LAMTOR3: variants seen among roughly 807,000 people sequenced by gnomAD.
LAMTOR3 encodes the protein ragulator complex protein LAMTOR3.
Under a neutral mutation model 20.3 loss-of-function variants are expected in LAMTOR3, and 14 were observed. The ratio of observed to expected loss-of-function variants is 0.69; its 90% CI spans 0.46 to 1.08. The LOEUF is 1.08. LAMTOR3 is among the 50% of genes least tolerant of loss of function. The pLI, the probability that LAMTOR3 is intolerant of heterozygous loss-of-function variation, is 0.00. For synonymous variants in LAMTOR3, 40 were observed against 49.4 expected (o/e 0.81, Z 0.80); for missense variants, 125 against 143.7 (o/e 0.87, Z 0.67).
rs1217282355 is a variant in LAMTOR3, at chr4:99,878,661, T to C, written c.*3333A>G. The C allele has an allele frequency of 6.6e-6, 1 of 152,240 alleles. No individual in the cohort carries two copies. The highest frequency in any genetic ancestry group is 1.5e-5 in the Non-Finnish European group (1 of 68,036). 9.4% of individuals were successfully genotyped at this position (152,240 alleles called of 1,614,324 possible). A position where few individuals can be genotyped will look rare whatever the true frequency, so the allele number is the denominator to read the frequency against. On this transcript the variant is annotated 3_prime_UTR_variant, in exon 7 of 7. Transcript: ENST00000499666. ...GCCATACAGTTTGACACCATGCTTT[T>C]CTCAATAAACATTATTATGCCTTAG...
At chr4:99,893,062 C>T (rs1340051015) in intron 2 of LAMTOR3, among the ~76,000 whole-genome samples, 1 of 152,162 alleles carries the variant, frequency 6.6e-6, no homozygotes, top group Non-Finnish European at 1.5e-5. Context: ...AAGTAGAAGA[C>T]TATTTTATTT....
chr4:99,892,170 GA>G (rs1725033766), intron 2 of LAMTOR3, 136 bp from the exon 3 acceptor site: 2 of 1,373,832 alleles, frequency 1.5e-6, no homozygotes, highest in Non-Finnish European at 1.9e-6. Context: ...TTCTCTGTCT[GA>G]TTTGGATGTT....
rs146153164 is a variant in LAMTOR3, at chr4:99,891,528, T to C, written c.44+472A>G. 5.3e-5 allele frequency among the ~76,000 whole-genome samples: 8 copies of C among 152,338 alleles called. No individual in the cohort carries two copies. The East Asian group carries it at 1.5e-3, about 29-fold the overall frequency. On this transcript the variant is annotated intron_variant, in intron 3 of 6. Coordinates refer to ENST00000499666, the MANE Select transcript of LAMTOR3 (RefSeq NM_021970.4). Reference sequence around the variant, plus strand: ...TCAAAGTATGTTGATGGTTGGTCACTGTGCATCTGTTATGCAGCTCATGCA... The same window carrying C: ...TCAAAGTATGTTGATGGTTGGTCACCGTGCATCTGTTATGCAGCTCATGCA...
chr4:99,893,816 G>A lies in LAMTOR3; in HGVS notation c.9+139C>T, dbSNP rs569340567. On this transcript the variant is annotated intron_variant, in intron 2 of 6. Coordinates refer to ENST00000499666, the MANE Select transcript of LAMTOR3 (RefSeq NM_021970.4). ...TATTAGTCTCCCACTTCAGATATCA[G>A]AGAAAATAATTAACTGGGATGGGTG... 1.6e-5 allele frequency: 9 copies of A among 572,224 alleles called. No homozygotes were observed. The East Asian group carries it at 2.5e-4, about 16-fold the overall frequency. 35.4% of individuals were successfully genotyped at this position (572,224 alleles called of 1,614,324 possible). A position where few individuals can be genotyped will look rare whatever the true frequency, so the allele number is the denominator to read the frequency against.
At chr4:99,885,347 A>T (rs751066245) in intron 5 of LAMTOR3, among the ~76,000 whole-genome samples, 195 bp downstream of exon 5, 2 of 152,198 alleles carry the variant, frequency 1.3e-5, no homozygotes, top group Non-Finnish European at 2.9e-5. Flanking sequence ...TTACTTTTCC[A>T]TAGTAATTAT....
At chr4:99,885,263 G>C (rs1724901598) in intron 5 of LAMTOR3, among the ~76,000 whole-genome samples, 1 of 152,052 alleles carries the variant, frequency 6.6e-6, no homozygotes, top group Non-Finnish European at 1.5e-5. Context: ...TTAGCTAACG[G>C]CACCATCTAC....
chr4:99,889,793 C>A (rs1041197440), intron 3 of LAMTOR3, among the ~76,000 whole-genome samples: 6 of 152,068 alleles, frequency 3.9e-5, no homozygotes, highest in African/African-American at 1.5e-4. Context: ...AAGAGGACCA[C>A]AAAAATGTTT....
chr4:99,893,560 T>C lies in LAMTOR3; in HGVS notation c.9+395A>G, dbSNP rs147854603. On this transcript the variant is annotated intron_variant, in intron 2 of 6. Coordinates refer to ENST00000499666, the MANE Select transcript of LAMTOR3 (RefSeq NM_021970.4). ...TTGCTACAATAAACCAAATGAGATATTGTTATCACTTACTGGAAAAAAGTA... is the reference window on the plus strand; with the variant it reads ...TTGCTACAATAAACCAAATGAGATACTGTTATCACTTACTGGAAAAAAGTA... 3.9e-4 allele frequency among the ~76,000 whole-genome samples: 60 copies of C among 152,320 alleles called. No individual in the cohort carries two copies. The Middle Eastern group carries it at 0.014, about 35-fold the overall frequency.
chr4:99,885,460 A>G (rs1000880981), intron 5 of LAMTOR3, 82 bp downstream of exon 5: 2 of 1,242,558 alleles, frequency 1.6e-6, no homozygotes, highest in Admixed American at 5.5e-5. Flanking sequence ...ATTGAGAACT[A>G]TAACACAAAC....
In LAMTOR3 at chr4:99,880,162, A is replaced by C. The variant is rs1045006067; in HGVS notation, c.*1832T>G. The C allele has an allele frequency of 2.0e-5, 3 of 152,134 alleles. No homozygotes were observed. Among genetic ancestry groups the C allele is most frequent in the Non-Finnish European group, 4.4e-5 (3 of 68,032 alleles). The allele number at this position is 152,134 out of a possible 1,614,324, so 9.4% of individuals were successfully genotyped here. A position where few individuals can be genotyped will look rare whatever the true frequency, so the allele number is the denominator to read the frequency against. On this transcript the variant is annotated 3_prime_UTR_variant, in exon 7 of 7. Transcript: ENST00000499666. ...TTAAGTGCCCCTAGTCTGTGGTTCT[A>C]TACCATCCTATGTATAGCTTTATCA...
In LAMTOR3 at chr4:99,878,699, C is replaced by T. The variant is rs917628651; in HGVS notation, c.*3295G>A. The T allele has an allele frequency of 1.3e-5, 2 of 152,314 alleles. No homozygotes were observed. The highest frequency in any genetic ancestry group is 4.8e-5 in the African/African-American group (2 of 41,580). The allele number at this position is 152,314 out of a possible 1,614,324, so 9.4% of individuals were successfully genotyped here. ...TATTATGCCTTAGAGATCTTTTCAT[C>T]TCAGTACCTAAAGCACTTCTTCATT... On this transcript the variant is annotated 3_prime_UTR_variant, in exon 7 of 7. Coordinates refer to ENST00000499666, the MANE Select transcript of LAMTOR3 (RefSeq NM_021970.4).
intron 5 of LAMTOR3, among the ~76,000 whole-genome samples, chr4:99,884,793 C>T (rs1034737563): frequency 5.3e-5 from 8 of 151,900 alleles, no homozygotes; most frequent in Admixed American, 4.6e-4. Flanking sequence ...GGTGAAAGTC[C>T]GTCTCTACCA....
intron 6 of LAMTOR3, 145 bp downstream of exon 6, chr4:99,883,917 G>A: frequency 1.7e-6 from 1 of 596,816 alleles, no homozygotes; most frequent in South Asian, 2.3e-5. Flanking sequence ...CTTTTCCCAA[G>A]ACATGGAAAA....
chr4:99,882,749 A>T (rs1336961010), intron 6 of LAMTOR3, among the ~76,000 whole-genome samples: 1 of 152,072 alleles, frequency 6.6e-6, no homozygotes, highest in Non-Finnish European at 1.5e-5. Context: ...ATTTATTTTT[A>T]TAAATTTGAC....
intron 3 of LAMTOR3, 53 bp from the exon 4 acceptor site, chr4:99,887,407 AAAAG>A: frequency 1.2e-6 from 1 of 815,284 alleles, no homozygotes; most frequent in Non-Finnish European, 1.8e-6. Context: ...TAAAATTTTA[AAAAG>A]TTAAAATATA....
At chr4:99,883,181 A>C (rs79604488) in intron 6 of LAMTOR3, among the ~76,000 whole-genome samples, 256 of 152,208 alleles carry the variant, frequency 1.7e-3, no homozygotes, top group Non-Finnish European at 2.7e-3. Flanking sequence ...TTTTACATAC[A>C]GTATTTTACA....
Position 99,882,018 on chromosome 4 carries a change from C to T in LAMTOR3, c.351G>A (p.Leu117=). 6.2e-7 allele frequency: 1 copy of T among 1,602,872 alleles called. No homozygotes were observed. The highest frequency in any genetic ancestry group is 8.5e-7 in the Non-Finnish European group (1 of 1,175,638). Residue 117 remains leucine, a synonymous_variant, in exon 7 of 7, where the codon CTG becomes CTA. Transcript: ENST00000499666. ...EKELAPLFEE[L]RQVVEVS is the part of the protein sequence containing the mutation. ...ATTAAGAAACTTCCACAACTTGTCT[C>T]AGTTCTTCAAACAATGGAGCAAGTT...
In LAMTOR3 at chr4:99,878,842, A is replaced by G. The variant is rs1178384927; in HGVS notation, c.*3152T>C. On this transcript the variant is annotated 3_prime_UTR_variant, in exon 7 of 7. Transcript: ENST00000499666. Reference sequence around the variant, plus strand: ...CCAAGAACAGCAGGTATAAACTGGTAGTGTTCAAAAAGCCAAAGCATATGG... The same window carrying G: ...CCAAGAACAGCAGGTATAAACTGGTGGTGTTCAAAAAGCCAAAGCATATGG... 6.6e-6 allele frequency: 1 copy of G among 152,248 alleles called. No individual in the cohort carries two copies. Among genetic ancestry groups the G allele is most frequent in the Non-Finnish European group, 1.5e-5 (1 of 68,040 alleles). The allele number at this position is 152,248 out of a possible 1,614,324, so 9.4% of individuals were successfully genotyped here. A position where few individuals can be genotyped will look rare whatever the true frequency, so the allele number is the denominator to read the frequency against.
rs1724789124 is a variant in LAMTOR3, at chr4:99,879,844, C to A, written c.*2150G>T. 1 of 150,550 alleles carries A rather than the reference C, an allele frequency of 6.6e-6. No homozygotes were observed. Among genetic ancestry groups the A allele is most frequent in the Non-Finnish European group, 1.5e-5 (1 of 67,620 alleles). 9.3% of individuals were successfully genotyped at this position (150,550 alleles called of 1,614,324 possible). A position where few individuals can be genotyped will look rare whatever the true frequency, so the allele number is the denominator to read the frequency against. On this transcript the variant is annotated 3_prime_UTR_variant, in exon 7 of 7. Transcript: ENST00000499666. ...TATGGTATAGCCTACTACTATACACCTAGGCTATATGGTATAGCCTACTAC... is the reference window on the plus strand; with the variant it reads ...TATGGTATAGCCTACTACTATACACATAGGCTATATGGTATAGCCTACTAC...
Sources: gnomAD v4.1 joint callset for allele counts (sites outside exome capture counted in the v4.1 genomes callset) on GRCh38, gnomAD v4.1.1 for gene constraint, MANE v1.5 for transcripts, NCBI Gene and HGNC (gene_info 2026-07-23, HGNC 2026-07-21) for gene names.